Variants in SFPQ observed in about 807,000 individuals in gnomAD.
SFPQ encodes the protein splicing factor, proline- and glutamine-rich.
Under a neutral mutation model 72.9 loss-of-function variants are expected in SFPQ, and 11 were observed. The ratio of observed to expected loss-of-function variants is 0.15; its 90% confidence interval spans 0.09 to 0.25. The LOEUF (loss-of-function observed/expected upper bound fraction) is 0.25, where lower values mean the gene tolerates loss of function less well. Ranked by LOEUF, SFPQ falls within the 10% of genes least tolerant of loss-of-function variation. The probability of loss-of-function intolerance (pLI) is 1.00; values close to 1 mark genes in which losing one functional copy is unlikely to be tolerated. For synonymous variants in SFPQ, 506 were observed against 367.3 expected, an observed-to-expected ratio of 1.38 and a Z score of -4.32; for missense variants, 847 against 993.3, an observed-to-expected ratio of 0.85 and a Z score of 1.98.
chr1:35,186,580 T>C (rs1251368584), intron 9 of SFPQ, among the ~76,000 whole-genome samples: 1 of 152,176 alleles, frequency 6.6e-6, no homozygotes, highest in Non-Finnish European at 1.5e-5. Flanking sequence ...TGCCTAAAGC[T>C]TCAAACTACA....
exon 6 of SFPQ, chr1:35,176,415 C>A (rs977988511): frequency 1.3e-5 from 2 of 151,750 alleles, no homozygotes; most frequent in African/African-American, 4.8e-5. Flanking sequence ...GAGAATGAAA[C>A]GTTCATTCCT....
chr1:35,182,180 C>CA, downstream of SFPQ: 1 of 985,318 alleles, frequency 1.0e-6, no homozygotes, highest in Non-Finnish European at 1.2e-6. Flanking sequence ...CACCCACACA[C>CA]ATTCAAAGTT....
At chr1:35,179,613 A>T (rs1570105919), downstream of SFPQ, 2 of 1,054,598 alleles carry the variant, frequency 1.9e-6, no homozygotes, top group East Asian at 1.1e-4. Flanking sequence ...ATTCATTGCT[A>T]CATACAAATT....
At chr1:35,178,205 A>C (rs1639325907), downstream of SFPQ, 6 of 1,088,524 alleles carry the variant, frequency 5.5e-6, no homozygotes, top group Non-Finnish European at 6.7e-6. Flanking sequence ...GGGAAATCTA[A>C]AATTATTCTT....
At chr1:35,182,275 T>C (rs186099952), downstream of SFPQ, 1,343 of 985,336 alleles carry the variant, frequency 1.4e-3, 17 homozygotes, top group African/African-American at 0.02. Context: ...CAAACTGTAA[T>C]GGATTCCTTT....
Position 35,187,955 on chromosome 1 carries a change from CA to C in SFPQ, c.1815+17del, listed in dbSNP as rs1274212811. The C allele has an allele frequency of 6.0e-6, 9 of 1,509,876 alleles. No homozygotes were observed. In the Admixed American group the frequency reaches 1.3e-4, roughly 22 times the overall value. The allele number at this position is 1,509,876 out of a possible 1,614,324, so 93.5% of individuals were successfully genotyped here. On this transcript the variant is annotated intron_variant, in intron 7 of 9. Coordinates refer to ENST00000357214, the MANE Select transcript of SFPQ (RefSeq NM_005066.3). ...TCTATAGACAACTCCAATTGGAAGG[CA>C]GTAAAGGCTGACTTACTGGATCCAT... is the stretch of plus-strand genomic sequence containing the variant.
downstream of SFPQ, chr1:35,178,973 TC>T: frequency 9.5e-7 from 1 of 1,056,290 alleles, no homozygotes; most frequent in Non-Finnish European, 1.1e-6. Flanking sequence ...TGTTGAGATT[TC>T]CAGTTGAGTC....
chr1:35,178,630 G>A, downstream of SFPQ: 1 of 1,056,666 alleles, frequency 9.5e-7, no homozygotes, highest in Non-Finnish European at 1.1e-6. Flanking sequence ...GGGACAGCAA[G>A]GAACCAATTT....
At position 35,187,030 on chromosome 1, in the gene SFPQ, T is replaced by G. The variant is rs763215229; in HGVS notation, c.1957A>C (p.Met653Leu). The change falls in exon 9 of 10, where the codon ATG becomes CTG. Residue 653 changes from methionine to leucine, a missense_variant. Around this residue, in one of 6 missense-constraint regions of SFPQ, gnomAD observed 154 missense variants for 186.0 expected, o/e 0.83. Coordinates refer to ENST00000357214, the MANE Select transcript of SFPQ (RefSeq NM_005066.3). Reference sequence around the variant, plus strand: ...TCACTTCCCATCATGGAACCACTCATGGTTGCTGGTGGAACGCCAGGATTA... The same window carrying G: ...TCACTTCCCATCATGGAACCACTCAGGGTTGCTGGTGGAACGCCAGGATTA... Reference protein sequence around the residue: ...EANPGVPPATMSGSMMGSDMR... With the variant: ...EANPGVPPATLSGSMMGSDMR... 1 of 1,614,104 alleles carries G rather than the reference T, an allele frequency of 6.2e-7. No individual in the cohort carries two copies. The highest frequency in any genetic ancestry group is 8.5e-7 in the Non-Finnish European group (1 of 1,179,958).
Position 35,193,041 on chromosome 1 carries a change from C to T in SFPQ, c.9G>A (p.Arg3=). The T allele has an allele frequency of 6.3e-7, 1 of 1,580,686 alleles. No individual in the cohort carries two copies. The highest frequency in any genetic ancestry group is 8.5e-7 in the Non-Finnish European group (1 of 1,171,616). MS[R]DRFRSRGGGG... ...CACCGCCACGACTCCGGAACCGATC[C>T]CGAGACATGTCTGTGGTCAAGGGGC... Residue 3 remains arginine, a synonymous_variant, in exon 1 of 10, where the codon CGG becomes CGA. Coordinates refer to ENST00000357214, the MANE Select transcript of SFPQ (RefSeq NM_005066.3).
At chr1:35,186,609 G>A (rs1212297116) in intron 9 of SFPQ, among the ~76,000 whole-genome samples, 1 of 146,364 alleles carries the variant, frequency 6.8e-6, no homozygotes, top group Non-Finnish European at 1.5e-5. Context: ...TCCTACTTAT[G>A]GCAAATACCA....
chr1:35,192,504 T>A lies in SFPQ; in HGVS notation c.546A>T (p.Gly182=), dbSNP rs1048476386. The change falls in exon 1 of 10, where the codon GGA becomes GGT. Residue 182 remains glycine (G), a synonymous_variant. Transcript: ENST00000357214. ...SGVPTTPPQA[G]GPPPPPAAVP... ...CTGCCGCGGGCGGAGGCGGCGGGCC[T>A]CCGGCCTGAGGAGGTGTGGTAGGGA... 2.4e-5 allele frequency: 32 copies of A among 1,326,138 alleles called. No homozygotes were observed. Among genetic ancestry groups the A allele is most frequent in the Non-Finnish European group, 2.6e-5 (27 of 1,045,148 alleles). The allele number at this position is 1,326,138 out of a possible 1,614,324, so 82.1% of individuals were successfully genotyped here.
downstream of SFPQ, chr1:35,180,877 AG>A (rs1481572686): frequency 1.0e-6 from 1 of 985,312 alleles, no homozygotes. Context: ...ATGCAACTAA[AG>A]GAAACCACAC....
At chr1:35,178,157 T>G, downstream of SFPQ, 1 of 1,071,816 alleles carries the variant, frequency 9.3e-7, no homozygotes, top group Non-Finnish European at 1.1e-6. Context: ...GGGGGTAAGT[T>G]ACAGCATAAA....
At position 35,193,005 on chromosome 1, in the gene SFPQ, G is replaced by T. The variant is rs376248409; in HGVS notation, c.45C>A (p.Gly15=). The T allele has an allele frequency of 2.8e-4, 429 of 1,532,486 alleles. 1 individual carries two copies. The African/African-American group carries it at 4.3e-3, about 15-fold the overall frequency. The allele number at this position is 1,532,486 out of a possible 1,614,324, so 94.9% of individuals were successfully genotyped here. Residue 15 remains glycine, a synonymous_variant, in exon 1 of 10, where the codon GGC becomes GGA. Transcript: ENST00000357214. ...CGCCGCCTCCTCCACGCCTGTGGAA[G>T]CCACCACCGCCACCGCCACGACTCC... ...RFRSRGGGGG[G]FHRRGGGGGR... is the part of the protein sequence containing the mutation.
At position 35,191,404 on chromosome 1, in the gene SFPQ, A is replaced by G; in HGVS notation, c.954T>C (p.Ala318=). Residue 318 remains alanine, a synonymous_variant, in exon 2 of 10, where the codon GCT becomes GCC. Transcript: ENST00000357214. ...ITEDEFKRLF[A]KYGEPGEVFI... is the part of the protein sequence containing the mutation. ...AAACTTCTCCTGGTTCTCCATATTT[A>G]GCAAATAGTCTTTTGAATTCATCCT... 1 of 1,614,092 alleles carries G rather than the reference A, an allele frequency of 6.2e-7. No individual in the cohort carries two copies. The highest frequency in any genetic ancestry group is 2.2e-5 in the East Asian group (1 of 44,878).
rs747702229 is a variant in SFPQ at position 35,189,389 on chromosome 1, A to G, written c.1416-7T>C. The G allele has an allele frequency of 6.2e-7, 1 of 1,609,030 alleles. No homozygotes were observed. The highest frequency in any genetic ancestry group is 8.5e-7 in the Non-Finnish European group (1 of 1,176,578). On this transcript the variant is annotated splice_polypyrimidine_tract_variant and splice_region_variant and intron_variant, in intron 4 of 9. Coordinates refer to ENST00000357214, the MANE Select transcript of SFPQ (RefSeq NM_005066.3). ...AGGAGGGGTTTCTCTCTCCCTAACA[A>G]TACACAAAATTTTAACATGAACCGA...
At position 35,190,702 on chromosome 1, in the gene SFPQ, T is replaced by C. The variant is rs1048332479; in HGVS notation, c.1311A>G (p.Leu437=). ...TAAACAAGACAACTTACGTCGTCAG[T>C]AAGAAAACACCTTCACTGCATCGTT... is the stretch of plus-strand genomic sequence containing the variant. ...AFERCSEGVF[L]LTTTPRPVIV... Residue 437 remains leucine (L), a synonymous_variant, in exon 3 of 10, where the codon TTA becomes TTG. Coordinates refer to ENST00000357214, the MANE Select transcript of SFPQ (RefSeq NM_005066.3). 7.4e-6 allele frequency: 12 copies of C among 1,613,242 alleles called. No homozygotes were observed. In the African/African-American group the frequency reaches 1.5e-4, roughly 20 times the overall value.
downstream of SFPQ, chr1:35,179,882 A>G: frequency 9.5e-7 from 1 of 1,054,604 alleles, no homozygotes; most frequent in Non-Finnish European, 1.1e-6. Context: ...ATTACGACAC[A>G]GGAAACCCCA....
Sources: allele counts gnomAD v4.1 joint callset (sites outside exome capture counted in the v4.1 genomes callset), GRCh38; gene constraint gnomAD v4.1.1; regional missense constraint gnomAD v4.1.1; transcripts MANE v1.5; gene names NCBI Gene and HGNC (gene_info 2026-07-23, HGNC 2026-07-21).